CCDC38: variants seen among roughly 807,000 people sequenced by gnomAD.
CCDC38 encodes the protein coiled-coil domain containing 38, also known as coiled-coil domain-containing protein 38.
In CCDC38, 69 loss-of-function variants were observed where a neutral mutation model predicts 72.8. That is an observed-to-expected ratio of 0.95 (90% confidence interval 0.78 to 1.16). The LOEUF (loss-of-function observed/expected upper bound fraction) is 1.16, where lower values mean the gene tolerates loss of function less well. CCDC38 is among the 50% of genes most tolerant of loss of function. The pLI, the probability that CCDC38 is intolerant of heterozygous loss-of-function variation, is 0.00. For missense variants in CCDC38, 626 were observed against 638.9 expected (o/e 0.98, Z 0.22); for synonymous variants, 201 against 213.2 (o/e 0.94, Z 0.50).
At chr12:95,867,359 T>C (rs1379132771) in intron 15 of CCDC38, among the ~76,000 whole-genome samples, 170 bp from the exon 16 acceptor site, 4 of 152,204 alleles carry the variant, frequency 2.6e-5, no homozygotes, top group Non-Finnish European at 5.9e-5. Flanking sequence ...TCTAACATGC[T>C]AGGCAAAGTT....
At chr12:95,897,337 G>A (rs937794306) in intron 7 of CCDC38, among the ~76,000 whole-genome samples, 4 of 152,026 alleles carry the variant, frequency 2.6e-5, no homozygotes, top group Admixed American at 2.0e-4. Flanking sequence ...GGCCGGGCGC[G>A]GTGACTCACG....
intron 10 of CCDC38, among the ~76,000 whole-genome samples, chr12:95,881,916 T>C (rs2079704977): frequency 6.6e-6 from 1 of 152,246 alleles, no homozygotes; most frequent in Non-Finnish European, 1.5e-5. Flanking sequence ...TGCATTCTTC[T>C]TGAGAATCTG....
intron 4 of CCDC38, among the ~76,000 whole-genome samples, chr12:95,908,322 CGTGGCGGCGCGCGCCTGCAAT>C (rs1262527865): frequency 2.0e-5 from 3 of 150,020 alleles, no homozygotes; most frequent in African/African-American, 7.4e-5. Flanking sequence ...ACCAGTCAGG[CGTGGCGGCGCGCGCCTGCAAT>C]CGCAGGCACT....
chr12:95,917,100 G>T (rs2080152290), intron 4 of CCDC38, 29 bp downstream of exon 4: 2 of 1,538,874 alleles, frequency 1.3e-6, no homozygotes, highest in African/African-American at 1.4e-5. Flanking sequence ...TATTCAAAAT[G>T]ATGTTCTTAA....
chr12:95,896,391 A>G (rs2079889665), intron 7 of CCDC38: 1 of 152,196 alleles, frequency 6.6e-6, no homozygotes, highest in African/African-American at 2.4e-5. Context: ...AAAATAACAA[A>G]AGAAGGCCCA....
intron 5 of CCDC38, among the ~76,000 whole-genome samples, chr12:95,899,109 G>T (rs189480062): frequency 6.6e-6 from 1 of 152,306 alleles, no homozygotes; most frequent in East Asian, 1.9e-4. Flanking sequence ...TCCTCCAATA[G>T]GAAGACCATG....
chr12:95,917,130 T>A lies in CCDC38; in HGVS notation c.303A>T (p.Glu101Asp). 1 of 1,573,686 alleles carries A rather than the reference T, an allele frequency of 6.4e-7. No individual in the cohort carries two copies. Residue 101 changes from glutamate (E) to aspartate (D), a missense_variant and splice_region_variant, in exon 4 of 16, where the codon GAA becomes GAT. Coordinates refer to ENST00000344280, the MANE Select transcript of CCDC38 (RefSeq NM_182496.3). ...TCTTAAAGAGTAATTTAGACTCACC[T>A]TCTATTAATCTAGGAATCGGAGCAG... ...PGPAPIPRLI[E>D]GSDTKRTVHE...
intron 4 of CCDC38, among the ~76,000 whole-genome samples, chr12:95,911,889 T>G: frequency 6.6e-6 from 1 of 152,050 alleles, no homozygotes; most frequent in East Asian, 1.9e-4. Context: ...AAAAATAAAT[T>G]GTTCTGTCAA....
At chr12:95,908,139 G>A (rs11108328) in intron 4 of CCDC38, among the ~76,000 whole-genome samples, 14,019 of 151,754 alleles carry the variant, frequency 0.092, 917 homozygotes, top group South Asian at 0.27. Context: ...GTAGGGAGCC[G>A]AGATCACGCC....
intron 1 of CCDC38, among the ~76,000 whole-genome samples, chr12:95,940,900 A>C (rs914110915): frequency 5.3e-5 from 8 of 151,994 alleles, no homozygotes; most frequent in African/African-American, 1.7e-4. Flanking sequence ...ACAAAAAAAA[A>C]AACTGGAGGT....
At chr12:95,943,216 CAATGA>C (rs2080472309), upstream of CCDC38, 2 of 609,010 alleles carry the variant, frequency 3.3e-6, no homozygotes, top group Non-Finnish European at 5.2e-6. Flanking sequence ...GCCATTCTTG[CAATGA>C]TTACCGCCCC....
intron 8 of CCDC38, among the ~76,000 whole-genome samples, chr12:95,892,700 G>T (rs2079841825): frequency 6.6e-6 from 1 of 151,462 alleles, no homozygotes; most frequent in South Asian, 2.1e-4. Flanking sequence ...CTTCTGAGTA[G>T]TTGGGATTAC....
chr12:95,886,693 A>G (rs1022663641), intron 10 of CCDC38, among the ~76,000 whole-genome samples: 1 of 152,244 alleles, frequency 6.6e-6, no homozygotes, highest in South Asian at 2.1e-4. Context: ...TAAAGATGCA[A>G]ACAAGCACAC....
intron 2 of CCDC38, among the ~76,000 whole-genome samples, chr12:95,928,877 G>T (rs995119805): frequency 6.6e-6 from 1 of 152,226 alleles, no homozygotes; most frequent in Non-Finnish European, 1.5e-5. Context: ...GGACCCACTC[G>T]AGGAGGCAGT....
At chr12:95,875,421 G>A (rs560874545) in intron 13 of CCDC38, among the ~76,000 whole-genome samples, 14 of 101,320 alleles carry the variant, frequency 1.4e-4, no homozygotes, top group African/African-American at 5.8e-4. Context: ...AATTTTTAGG[G>A]GATTAAGTAT....
intron 5 of CCDC38, among the ~76,000 whole-genome samples, chr12:95,899,615 T>C (rs2079929677): frequency 6.6e-6 from 1 of 152,102 alleles, no homozygotes; most frequent in Non-Finnish European, 1.5e-5. Flanking sequence ...GGGTTTTTAA[T>C]ACCATGCAGG....
chr12:95,893,628 T>C (rs2079855052), intron 8 of CCDC38, among the ~76,000 whole-genome samples: 1 of 151,736 alleles, frequency 6.6e-6, no homozygotes, highest in African/African-American at 2.4e-5. Flanking sequence ...CTGGGAGGTG[T>C]GCATCACCAC....
At chr12:95,887,665 C>G (rs116710139) in intron 10 of CCDC38, among the ~76,000 whole-genome samples, 1,774 of 152,226 alleles carry the variant, frequency 0.012, 31 homozygotes, top group African/African-American at 0.041. Context: ...CGCTGACGTT[C>G]TGTATTTGAT....
intron 2 of CCDC38, among the ~76,000 whole-genome samples, chr12:95,926,707 C>T (rs2080274982): frequency 6.6e-6 from 1 of 151,450 alleles, no homozygotes; most frequent in Admixed American, 6.6e-5. Context: ...CTACACACTG[C>T]TTTGGATGCG....
Sources: gnomAD v4.1 joint callset for allele counts (sites outside exome capture counted in the v4.1 genomes callset) on GRCh38, gnomAD v4.1.1 for gene constraint, MANE v1.5 for transcripts, NCBI Gene and HGNC (gene_info 2026-07-23, HGNC 2026-07-21) for gene names.